Variants in CANX observed in about 807,000 individuals in gnomAD.
CANX encodes the protein calnexin.
CANX carries 14 observed loss-of-function variants against 75.7 expected under a neutral mutation model. That is an observed-to-expected ratio of 0.19 (90% CI 0.12 to 0.29). CANX has a LOEUF of 0.29. Ranked by LOEUF, CANX falls within the 10% of genes least tolerant of loss-of-function variation. The pLI, the probability that CANX is intolerant of heterozygous loss-of-function variation, is 1.00. For synonymous variants in CANX, 227 were observed against 236.9 expected, an observed-to-expected ratio of 0.96 and a Z score of 0.38; for missense variants, 567 against 713.2, an observed-to-expected ratio of 0.79 and a Z score of 2.34.
At chr5:179,682,581 A>G (rs576507561) in intron 1 of CANX, among the ~76,000 whole-genome samples, 33 of 151,674 alleles carry the variant, frequency 2.2e-4, no homozygotes, top group Admixed American at 7.9e-4. Flanking sequence ...ATGGTGGTGT[A>G]TGCCTGTAAT....
chr5:179,717,835 C>CCT (rs1353318870), intron 8 of CANX, among the ~76,000 whole-genome samples: 4 of 151,786 alleles, frequency 2.6e-5, no homozygotes, highest in Non-Finnish European at 4.4e-5. Context: ...CCCGCCCTAG[C>CCT]CTCCCAAGTA....
chr5:179,708,191 C>T (rs757156687), intron 4 of CANX, 48 bp from the exon 5 acceptor site: 6 of 1,567,938 alleles, frequency 3.8e-6, no homozygotes, highest in Admixed American at 1.7e-5. Flanking sequence ...TTTAAAGGAC[C>T]TTCAGAGGTA....
intron 14 of CANX, among the ~76,000 whole-genome samples, chr5:179,727,640 G>T (rs1404232563): frequency 6.6e-6 from 1 of 152,202 alleles, no homozygotes; most frequent in Non-Finnish European, 1.5e-5. Context: ...GCCATCACAG[G>T]CTACTGGACA....
chr5:179,727,881 T>G (rs1345236947), intron 14 of CANX, among the ~76,000 whole-genome samples: 1 of 152,192 alleles, frequency 6.6e-6, no homozygotes, highest in Non-Finnish European at 1.5e-5. Context: ...TGTCTGTATG[T>G]ACCATTGCTT....
chr5:179,683,705 TG>T (rs1185058351), intron 1 of CANX, among the ~76,000 whole-genome samples: 2 of 152,004 alleles, frequency 1.3e-5, no homozygotes, highest in Non-Finnish European at 2.9e-5. Flanking sequence ...AGCTAATTTT[TG>T]TATTTTTAGT....
chr5:179,689,696 TTTCTTC>T lies in CANX; in HGVS notation c.-4+10928_-4+10933del, dbSNP rs372909438. On this transcript the variant is annotated intron_variant, in intron 1 of 14. Transcript: ENST00000681674. ...TGAGCCACCACACCCGGCCTCTTTT[TTTCTTC>T]TTCTTCTTTTTTAAGTTCTTGCCTA... Among the ~76,000 whole-genome samples, 22 of 152,268 alleles carry T rather than the reference TTTCTTC, an allele frequency of 1.4e-4. No homozygotes were observed. The East Asian group carries it at 4.1e-3, about 28-fold the overall frequency.
At chr5:179,678,816 G>A in intron 1 of CANX, 3 of 1,537,038 alleles carry the variant, frequency 2.0e-6, no homozygotes, top group Non-Finnish European at 8.7e-7. Flanking sequence ...CTTTTGGACC[G>A]CTGCACCTGC....
intron 1 of CANX, among the ~76,000 whole-genome samples, chr5:179,687,823 C>A (rs1486805101): frequency 6.6e-6 from 1 of 151,966 alleles, no homozygotes; most frequent in Non-Finnish European, 1.5e-5. Context: ...CACTTGAGGG[C>A]AGGAGTTTGA....
chr5:179,705,186 T>C (rs1777043711), intron 1 of CANX, among the ~76,000 whole-genome samples: 1 of 152,204 alleles, frequency 6.6e-6, no homozygotes. Context: ...AGTTTCGCCA[T>C]GTTGGCCAGG....
chr5:179,695,993 C>T (rs1776393450), upstream of CANX, among the ~76,000 whole-genome samples: 1 of 151,970 alleles, frequency 6.6e-6, no homozygotes, highest in Admixed American at 6.6e-5. Context: ...AATCTTGGCT[C>T]ACTGCAGCCT....
Position 179,698,969 on chromosome 5 carries a change from CG to C in CANX, c.-135del, listed in dbSNP as rs2113076177. Reference sequence around the variant, plus strand: ...GCGGTGGGGCTCGCTCGCGCGGCAGCGGTGGCCGAGGCCTCTTGGTTCTGCG... The same window carrying C: ...GCGGTGGGGCTCGCTCGCGCGGCAGCGTGGCCGAGGCCTCTTGGTTCTGCG... On this transcript the variant is annotated 5_prime_UTR_variant, in exon 1 of 15. Transcript: ENST00000247461. The C allele has an allele frequency of 8.9e-7, 1 of 1,123,060 alleles. No individual in the cohort carries two copies. Among genetic ancestry groups the C allele is most frequent in the Admixed American group, 5.1e-5 (1 of 19,790 alleles). 69.6% of individuals were successfully genotyped at this position (1,123,060 alleles called of 1,614,324 possible). A position where few individuals can be genotyped will look rare whatever the true frequency, so the allele number is the denominator to read the frequency against.
intron 10 of CANX, 152 bp downstream of exon 10, chr5:179,720,712 A>G (rs1015862828): frequency 1.5e-6 from 1 of 661,518 alleles, no homozygotes; most frequent in Non-Finnish European, 2.7e-6. Context: ...AGAGAGCTTA[A>G]TGGGTTAGGT....
In CANX at chr5:179,728,699, G is replaced by A; in HGVS notation, c.*55G>A. ...CTTCTCCCTCCTCCCCTGCAAGAGT[G>A]GTCCTAGGAGAGGACCTGGCACACC... On this transcript the variant is annotated 3_prime_UTR_variant, in exon 15 of 15. Coordinates refer to ENST00000247461, the MANE Select transcript of CANX (RefSeq NM_001746.4). 1 of 1,291,048 alleles carries A rather than the reference G, an allele frequency of 7.7e-7. No homozygotes were observed. The highest frequency in any genetic ancestry group is 1.1e-6 in the Non-Finnish European group (1 of 888,124). 80.0% of individuals were successfully genotyped at this position (1,291,048 alleles called of 1,614,324 possible). A position where few individuals can be genotyped will look rare whatever the true frequency, so the allele number is the denominator to read the frequency against.
chr5:179,698,941 C>T (rs1027701158), upstream of CANX: 18 of 1,119,900 alleles, frequency 1.6e-5, no homozygotes, highest in Admixed American at 5.0e-5. Context: ...GGCCGGGCTT[C>T]GTGCGGTGGG....
Position 179,728,588 on chromosome 5 carries a change from TAGG to T in CANX, c.1728_1730del (p.Glu576del), listed in dbSNP as rs776492595. 3 of 1,556,674 alleles carry T rather than the reference TAGG, an allele frequency of 1.9e-6. No homozygotes were observed. Among genetic ancestry groups the T allele is most frequent in the South Asian group, 1.1e-5 (1 of 89,762 alleles). On this transcript the variant is annotated splice_acceptor_variant and coding_sequence_variant, in exon 15 of 15. Coordinates refer to ENST00000247461, the MANE Select transcript of CANX (RefSeq NM_001746.4). LOFTEE classifies it high-confidence loss of function. ...TTATAATGAATTTCTTTTCAATCAA[TAGG>T]AGGATGAAATTTTGAACAGATCACC...
At chr5:179,707,444 C>T (rs561947075) in intron 4 of CANX, among the ~76,000 whole-genome samples, 10 of 152,088 alleles carry the variant, frequency 6.6e-5, no homozygotes, top group Admixed American at 2.6e-4. Flanking sequence ...ATTAGCTGGG[C>T]GTGGCAGCGT....
chr5:179,724,617 T>C (rs777350171), intron 12 of CANX, 40 bp from the exon 13 acceptor site: 4 of 1,583,352 alleles, frequency 2.5e-6, no homozygotes, highest in Admixed American at 3.4e-5. Context: ...ACATAATACA[T>C]GAACATGTAA....
intron 1 of CANX, among the ~76,000 whole-genome samples, chr5:179,703,141 G>A (rs1776880836): frequency 6.6e-6 from 1 of 152,060 alleles, no homozygotes; most frequent in Admixed American, 6.5e-5. Flanking sequence ...TCGAATTCCT[G>A]ACCTCAGATG....
chr5:179,694,450 C>T, upstream of CANX: 3 of 696,256 alleles, frequency 4.3e-6, no homozygotes, highest in Non-Finnish European at 7.8e-6. Flanking sequence ...AAGAAGGATC[C>T]TAGTGCCCCC....
Sources: gnomAD v4.1 joint callset for allele counts (sites outside exome capture counted in the v4.1 genomes callset) on GRCh38, gnomAD v4.1.1 for gene constraint, MANE v1.5 for transcripts, NCBI Gene and HGNC (gene_info 2026-07-23, HGNC 2026-07-21) for gene names.